KCNK2: variants seen among roughly 807,000 people sequenced by gnomAD.
KCNK2 encodes potassium channel subfamily K member 2.
Under a neutral mutation model 40.5 loss-of-function variants are expected in KCNK2, and 21 were observed. That is an observed-to-expected ratio of 0.52 (90% confidence interval 0.37 to 0.75). The LOEUF (loss-of-function observed/expected upper bound fraction) is 0.75. Ranked by LOEUF, KCNK2 falls within the 30% of genes least tolerant of loss-of-function variation. The probability of loss-of-function intolerance (pLI) is 0.00; values close to 1 mark genes in which losing one functional copy is unlikely to be tolerated. For synonymous variants in KCNK2, 191 were observed against 202.2 expected, an observed-to-expected ratio of 0.94 and a Z score of 0.47; for missense variants, 399 against 531.6, an observed-to-expected ratio of 0.75 and a Z score of 2.45.
At chr1:215,102,669 G>T (rs369941579) in intron 2 of KCNK2, among the ~76,000 whole-genome samples, 10 of 151,830 alleles carry the variant, frequency 6.6e-5, no homozygotes, top group African/African-American at 9.6e-5. Context: ...TTTCAGTCCT[G>T]CAAACTCCAT....
chr1:215,063,254 C>T (rs968078877), intron 1 of KCNK2, among the ~76,000 whole-genome samples: 1 of 152,164 alleles, frequency 6.6e-6, no homozygotes, highest in South Asian at 2.1e-4. Context: ...TTGCCAGTAG[C>T]TTGAATTTTA....
Position 215,200,627 on chromosome 1 carries a change from C to T in KCNK2, c.963+5535C>T, listed in dbSNP as rs555520270. Among the ~76,000 whole-genome samples the T allele has an allele frequency of 7.2e-5, 11 of 152,276 alleles. No homozygotes were observed. In the South Asian group the frequency reaches 1.5e-3, roughly 20 times the overall value. ...GAAGATGAATTAGTTGCAAACAAAG[C>T]TGGATTCAGGAAAATCAGTTGGGAG... On this transcript the variant is annotated intron_variant, in intron 6 of 6. Transcript: ENST00000444842.
intron 6 of KCNK2, among the ~76,000 whole-genome samples, chr1:215,210,932 A>T (rs1665718803): frequency 6.6e-6 from 1 of 152,048 alleles, no homozygotes; most frequent in South Asian, 2.1e-4. Context: ...GAATCCAATC[A>T]CTTCTCACTT....
intron 3 of KCNK2, among the ~76,000 whole-genome samples, chr1:215,166,691 T>A (rs12141564): frequency 0.064 from 9,678 of 152,188 alleles, 370 homozygotes; most frequent in Middle Eastern, 0.14. Context: ...TACTTCAGCC[T>A]GGGCTCCTTG....
intron 3 of KCNK2, among the ~76,000 whole-genome samples, chr1:215,153,665 C>T (rs920243086): frequency 2.6e-5 from 4 of 151,758 alleles, no homozygotes; most frequent in South Asian, 2.1e-4. Context: ...GTGTGCAGAA[C>T]GTGCAGGTTC....
At chr1:215,143,350 T>C (rs1345297483) in intron 3 of KCNK2, among the ~76,000 whole-genome samples, 1 of 152,134 alleles carries the variant, frequency 6.6e-6, no homozygotes, top group East Asian at 1.9e-4. Context: ...GGGCCACTTT[T>C]GATTTGCCCT....
chr1:215,017,696 A>T (rs1656639685), intron 1 of KCNK2, among the ~76,000 whole-genome samples: 1 of 152,196 alleles, frequency 6.6e-6, no homozygotes, highest in African/African-American at 2.4e-5. Flanking sequence ...AATAATGTAT[A>T]CTTGAAAATT....
chr1:215,052,860 G>T (rs977589807), intron 1 of KCNK2, among the ~76,000 whole-genome samples: 1 of 152,152 alleles, frequency 6.6e-6, no homozygotes, highest in African/African-American at 2.4e-5. Context: ...GAATTAAGTA[G>T]CATATGATAG....
At chr1:215,162,959 G>A (rs959938256) in intron 3 of KCNK2, among the ~76,000 whole-genome samples, 1 of 151,434 alleles carries the variant, frequency 6.6e-6, no homozygotes, top group Non-Finnish European at 1.5e-5. Context: ...TTCTAATTCT[G>A]TGAAGAAAGT....
chr1:215,103,309 T>C (rs1162435839), intron 2 of KCNK2, among the ~76,000 whole-genome samples: 8 of 151,872 alleles, frequency 5.3e-5, no homozygotes, highest in African/African-American at 1.9e-4. Context: ...ATGCATGGGC[T>C]CTTTGTGGTA....
rs189971428 is a variant in KCNK2, at chr1:215,116,397, T to G, written c.358-8236T>G. 4.7e-3 allele frequency among the ~76,000 whole-genome samples: 713 copies of G among 152,170 alleles called. 8 individuals are homozygous for G. Among genetic ancestry groups the G allele is most frequent in the Admixed American group, 0.019 (292 of 15,262 alleles). On this transcript the variant is annotated intron_variant, in intron 2 of 6. Coordinates refer to ENST00000444842, the MANE Select transcript of KCNK2 (RefSeq NM_001017425.3). ...TATTACTTTTATGATTAAAAAAATC[T>G]CCCTAAATGGATATGACCAGGAAAG...
intron 1 of KCNK2, among the ~76,000 whole-genome samples, chr1:215,007,021 A>ATGTGTGTGTGTG (rs1358275338): frequency 4.0e-4 from 6 of 15,028 alleles, no homozygotes; most frequent in African/African-American, 5.8e-4. Context: ...ATATATATAT[A>ATGTGTGTGTGTG]TATATATATA....
intron 2 of KCNK2, among the ~76,000 whole-genome samples, chr1:215,105,494 C>T (rs1282105625): frequency 6.6e-6 from 1 of 152,096 alleles, no homozygotes; most frequent in Non-Finnish European, 1.5e-5. Context: ...ACATTTCCAC[C>T]TCTTGGCTAG....
At position 215,012,922 on chromosome 1, in the gene KCNK2, T is replaced by C. The variant is rs537362999; in HGVS notation, c.34+6967T>C. On this transcript the variant is annotated intron_variant, in intron 1 of 6. Coordinates refer to the KCNK2 transcript ENST00000391895. Reference sequence around the variant, plus strand: ...CTTTTTTCTGTTATGGGTCATACTCTTGCTGTCATAGTTAAGAATTTTTTC... The same window carrying C: ...CTTTTTTCTGTTATGGGTCATACTCCTGCTGTCATAGTTAAGAATTTTTTC... Among the ~76,000 whole-genome samples the C allele has an allele frequency of 6.6e-5, 10 of 152,282 alleles. 1 individual carries two copies. The South Asian group carries it at 1.7e-3, about 25-fold the overall frequency.
Position 215,172,138 on chromosome 1 carries a change from G to A in KCNK2, c.778G>A (p.Val260Met). The A allele has an allele frequency of 6.2e-7, 1 of 1,613,328 alleles. No individual in the cohort carries two copies. Among genetic ancestry groups the A allele is most frequent in the Non-Finnish European group, 8.5e-7 (1 of 1,179,650 alleles). The change falls in exon 5 of 7, where the codon GTG becomes ATG. Residue 260 changes from valine to methionine, a missense_variant. Around this residue, in one of 3 missense-constraint regions of KCNK2, gnomAD observed 279 missense variants for 353.8 expected, o/e 0.79. Transcript: ENST00000444842. ...GWSALDAIYF[V>M]VITLTTIGFG... is the part of the protein sequence containing the mutation. ...GAGTGCCCTGGACGCCATTTATTTTGTGGTTATCACTCTAACAACTATTGG... is the reference window on the plus strand; with the variant it reads ...GAGTGCCCTGGACGCCATTTATTTTATGGTTATCACTCTAACAACTATTGG...
intron 4 of KCNK2, among the ~76,000 whole-genome samples, chr1:215,170,884 TA>T (rs1663682807): frequency 2.0e-5 from 3 of 152,076 alleles, no homozygotes; most frequent in Middle Eastern, 3.2e-3. Context: ...TACCAGTGCA[TA>T]AAAAAAGTTC....
At chr1:215,115,592 T>C (rs1180872133) in intron 2 of KCNK2, among the ~76,000 whole-genome samples, 3 of 152,128 alleles carry the variant, frequency 2.0e-5, no homozygotes, top group African/African-American at 7.2e-5. Context: ...TTAAAGGAAC[T>C]GCCTAGATAA....
intron 3 of KCNK2, among the ~76,000 whole-genome samples, chr1:215,157,832 T>C (rs10779649): frequency 0.77 from 117,021 of 152,118 alleles, 45,316 homozygotes; most frequent in Non-Finnish European, 0.79. Context: ...CATCATTTAA[T>C]TAGTGTCTGT....
In KCNK2 at chr1:215,070,176, C is replaced by T. The variant is rs112183263; in HGVS notation, c.35-16192C>T. ...CTGTAATCCCAGCACTTTGGGAGGC[C>T]GAGGTGGGCGGATCACAAGGTCAGC... On this transcript the variant is annotated intron_variant, in intron 1 of 6. Coordinates refer to the KCNK2 transcript ENST00000391895. Among the ~76,000 whole-genome samples the T allele has an allele frequency of 1.1e-3, 169 of 151,680 alleles. 1 individual carries two copies. Among genetic ancestry groups the T allele is most frequent in the African/African-American group, 3.9e-3 (161 of 41,376 alleles).
Sources: gnomAD v4.1 joint callset for allele counts (sites outside exome capture counted in the v4.1 genomes callset) on GRCh38, gnomAD v4.1.1 for gene constraint, gnomAD v4.1.1 regional missense constraint, MANE v1.5 for transcripts, NCBI Gene and HGNC (gene_info 2026-07-23, HGNC 2026-07-21) for gene names.